The following CFL1 variants were observed in gnomAD, a reference collection of about 807,000 sequenced individuals.
The protein encoded by CFL1 is cofilin-1.
A neutral mutation model predicts 16.3 loss-of-function variants in CFL1; 2 were observed. The observed-to-expected ratio is 0.12, with a 90% CI of 0.05 to 0.39. The LOEUF is 0.39. CFL1 is among the 10% of genes least tolerant of loss of function. CFL1 has a pLI of 0.99. For missense variants in CFL1, 75 were observed against 212.2 expected, an observed-to-expected ratio of 0.35 and a Z score of 4.02; for synonymous variants, 111 against 84.4, an observed-to-expected ratio of 1.31 and a Z score of -1.73.
Position 65,855,234 on chromosome 11 carries a change from G to T in CFL1, c.*102C>A. 1.1e-6 allele frequency: 1 copy of T among 930,778 alleles called. No individual in the cohort carries two copies. The highest frequency in any genetic ancestry group is 1.7e-6 in the Non-Finnish European group (1 of 588,828). 57.7% of individuals were successfully genotyped at this position (930,778 alleles called of 1,614,324 possible). A position where few individuals can be genotyped will look rare whatever the true frequency, so the allele number is the denominator to read the frequency against. On this transcript the variant is annotated 3_prime_UTR_variant, in exon 4 of 4. Coordinates refer to ENST00000308162, the MANE Select transcript of CFL1 (RefSeq NM_005507.3). ...GAAGGGATTGCCCTCCCCCTGCTGG[G>T]ATCCCCCCAGCCCCTCCGGTCTGGC...
In CFL1 at chr11:65,858,094, C is replaced by T. The variant is rs1042293828; in HGVS notation, c.3+3G>A. ...CCCTCAGGCGCCGTGGCCTGCCGCT[C>T]ACCATGTTTCCGGAAACGAAAAGGA... On this transcript the variant is annotated splice_donor_region_variant and intron_variant, in intron 1 of 3. Coordinates refer to ENST00000308162, the MANE Select transcript of CFL1 (RefSeq NM_005507.3). The T allele has an allele frequency of 6.5e-7, 1 of 1,535,432 alleles. No homozygotes were observed. The highest frequency in any genetic ancestry group is 8.8e-7 in the Non-Finnish European group (1 of 1,141,720).
At chr11:65,856,283 G>A (rs369158323) in intron 1 of CFL1, 41 bp from the exon 2 acceptor site, 8 of 1,583,474 alleles carry the variant, frequency 5.1e-6, no homozygotes, top group Non-Finnish European at 6.0e-6. Context: ...AAGGATTCTA[G>A]GGAACTGCCC....
At chr11:65,857,253 G>C (rs938689918) in intron 1 of CFL1, 2 of 281,796 alleles carry the variant, frequency 7.1e-6, no homozygotes, top group South Asian at 4.8e-5. Context: ...CGTATACAGG[G>C]GGCGGGGTGG....
In CFL1 at chr11:65,856,451, C is replaced by A. The variant is rs1475750469; in HGVS notation, c.4-209G>T. On this transcript the variant is annotated intron_variant, in intron 1 of 3. Coordinates refer to ENST00000308162, the MANE Select transcript of CFL1 (RefSeq NM_005507.3). The stretch of plus-strand genomic sequence containing the variant: ...GGCCTCTGATCACCTAGTTCAACAA[C>A]CCCTTCCCTCATTTTACAGGATAGA... 11 of 565,254 alleles carry A rather than the reference C, an allele frequency of 1.9e-5. No homozygotes were observed. In the African/African-American group the frequency reaches 2.1e-4, roughly 11 times the overall value. The allele number at this position is 565,254 out of a possible 1,614,324, so 35.0% of individuals were successfully genotyped here.
intron 1 of CFL1, chr11:65,857,290 C>A (rs1373466620): frequency 1.0e-5 from 3 of 292,144 alleles, no homozygotes; most frequent in Non-Finnish European, 2.1e-5. Context: ...GCCTGGGTCA[C>A]TTCCCTAAAC....
chr11:65,856,564 A>T, intron 1 of CFL1: 1 of 317,958 alleles, frequency 3.1e-6, no homozygotes, highest in African/African-American at 2.2e-5. Context: ...TTTGCTACTC[A>T]CAGTACTTGC....
intron 2 of CFL1, 98 bp from the exon 3 acceptor site, chr11:65,855,828 AC>A: frequency 6.7e-7 from 1 of 1,499,360 alleles, no homozygotes; most frequent in Admixed American, 2.0e-5. Flanking sequence ...TTTTGTTACA[AC>A]CCCCTCCCCC....
At chr11:65,858,039 C>G in intron 1 of CFL1, 58 bp downstream of exon 1, 1 of 1,513,598 alleles carries the variant, frequency 6.6e-7, no homozygotes, top group Non-Finnish European at 8.8e-7. Context: ...AGTCGCTTCC[C>G]GCGCGCAGGC....
chr11:65,855,516 G>C (rs1402432775), intron 3 of CFL1, 68 bp from the exon 4 acceptor site: 2 of 1,569,606 alleles, frequency 1.3e-6, no homozygotes, highest in Non-Finnish European at 8.8e-7. Context: ...CTGTGGCTGG[G>C]AAGGAGCCAA....
chr11:65,855,760 C>A (rs1369201460), intron 2 of CFL1, 30 bp from the exon 3 acceptor site: 2 of 1,527,150 alleles, frequency 1.3e-6, no homozygotes, highest in East Asian at 4.5e-5. Context: ...AGGCAACTCC[C>A]AGCAACAGCA....
rs953881692 is a variant in CFL1 at position 65,858,078 on chromosome 11, G to A, written c.3+19C>T. 1.4e-5 allele frequency: 21 copies of A among 1,533,428 alleles called. No individual in the cohort carries two copies. In the African/African-American group the frequency reaches 3.0e-4, roughly 22 times the overall value. 95.0% of individuals were successfully genotyped at this position (1,533,428 alleles called of 1,614,324 possible). A position where few individuals can be genotyped will look rare whatever the true frequency, so the allele number is the denominator to read the frequency against. On this transcript the variant is annotated intron_variant, in intron 1 of 3. Transcript: ENST00000308162. ...CGACCCGCAGCCGCCTCCCTCAGGCGCCGTGGCCTGCCGCTCACCATGTTT... is the reference window on the plus strand; with the variant it reads ...CGACCCGCAGCCGCCTCCCTCAGGCACCGTGGCCTGCCGCTCACCATGTTT...
chr11:65,857,218 C>T, intron 1 of CFL1: 2 of 251,076 alleles, frequency 8.0e-6, no homozygotes, highest in South Asian at 5.6e-5. Flanking sequence ...AGCTACATAA[C>T]CTTCGGTTTT....
In CFL1 at chr11:65,858,122, G is replaced by A. The variant is rs751763589; in HGVS notation, c.-23C>T. On this transcript the variant is annotated 5_prime_UTR_variant, in exon 1 of 4. Transcript: ENST00000308162. ...CATGTTTCCGGAAACGAAAAGGAGA[G>A]GGCACCGAGAGCCGCAGAAGACGAG... The A allele has an allele frequency of 4.8e-5, 74 of 1,526,230 alleles. No homozygotes were observed. The African/African-American group carries it at 7.4e-4, about 15-fold the overall frequency. 94.5% of individuals were successfully genotyped at this position (1,526,230 alleles called of 1,614,324 possible).
chr11:65,855,620 C>T (rs1263178874), intron 3 of CFL1, 34 bp downstream of exon 3: 1 of 1,561,054 alleles, frequency 6.4e-7, no homozygotes, highest in Non-Finnish European at 8.7e-7. Flanking sequence ...AAGGCCAGAG[C>T]AGAAGGGCAC....
At chr11:65,857,697 C>G (rs1053248357) in intron 1 of CFL1, 8 of 164,978 alleles carry the variant, frequency 4.8e-5, no homozygotes, top group African/African-American at 7.2e-5. Context: ...GCGCCGAGAC[C>G]TCTCGCGCGC....
chr11:65,856,862 G>A (rs973788285), intron 1 of CFL1: 4 of 153,824 alleles, frequency 2.6e-5, no homozygotes, highest in East Asian at 3.8e-4. Context: ...GGCCCCAGAA[G>A]TCGCTGATAA....
At chr11:65,855,472 CTG>C in intron 3 of CFL1, 24 bp from the exon 4 acceptor site, 1 of 1,609,646 alleles carries the variant, frequency 6.2e-7, no homozygotes, top group African/African-American at 1.3e-5. Context: ...AGGGGAGCAT[CTG>C]TGAGCAGGAA....
In CFL1 at chr11:65,855,179, G is replaced by T; in HGVS notation, c.*157C>A. ...GGATGGAGGGAGAAGGAAAATCCAG[G>T]GGGTGGGGGGTCTGTTTGGCAACTG... On this transcript the variant is annotated 3_prime_UTR_variant, in exon 4 of 4. Coordinates refer to ENST00000308162, the MANE Select transcript of CFL1 (RefSeq NM_005507.3). 1 of 611,172 alleles carries T rather than the reference G, an allele frequency of 1.6e-6. No homozygotes were observed. The highest frequency in any genetic ancestry group is 2.9e-6 in the Non-Finnish European group (1 of 341,552). 37.9% of individuals were successfully genotyped at this position (611,172 alleles called of 1,614,324 possible).
Position 65,855,157 on chromosome 11 carries a change from T to C in CFL1, c.*179A>G. 4 of 585,092 alleles carry C rather than the reference T, an allele frequency of 6.8e-6. No individual in the cohort carries two copies. The highest frequency in any genetic ancestry group is 1.2e-5 in the Non-Finnish European group (4 of 325,888). 36.2% of individuals were successfully genotyped at this position (585,092 alleles called of 1,614,324 possible). A position where few individuals can be genotyped will look rare whatever the true frequency, so the allele number is the denominator to read the frequency against. ...TGGGAAGGCCAGAACCGTCAAGGGA[T>C]GGAGGGAGAAGGAAAATCCAGGGGG... On this transcript the variant is annotated 3_prime_UTR_variant, in exon 4 of 4. Coordinates refer to ENST00000308162, the MANE Select transcript of CFL1 (RefSeq NM_005507.3).
Sources: allele counts gnomAD v4.1 joint callset, GRCh38; gene constraint gnomAD v4.1.1; transcripts MANE v1.5; gene names NCBI Gene and HGNC (gene_info 2026-07-23, HGNC 2026-07-21).